OR7E24: variants seen among roughly 807,000 people sequenced by gnomAD.
OR7E24 encodes the protein olfactory receptor family 7 subfamily E member 24, also known as olfactory receptor 7E24.
For synonymous variants in OR7E24, 130 were observed against 157.5 expected (o/e 0.83, Z 1.31); for missense variants, 385 against 410.3 (o/e 0.94, Z 0.53).
chr19:9,243,465 A>T (rs191978947), upstream of OR7E24, among the ~76,000 whole-genome samples: 13 of 151,180 alleles, frequency 8.6e-5, no homozygotes, highest in Admixed American at 7.9e-4. Flanking sequence ...AGTAGCTGGG[A>T]CTACAGGCAT....
chr19:9,229,040 C>T, the OR7E24 span, among the ~76,000 whole-genome samples: 2 of 152,080 alleles, frequency 1.3e-5, no homozygotes, highest in African/African-American at 4.8e-5. Flanking sequence ...CATGTGTATA[C>T]ATTAAATGTC....
the OR7E24 span, among the ~76,000 whole-genome samples, chr19:9,230,980 C>T: frequency 2.0e-5 from 3 of 152,096 alleles, no homozygotes; most frequent in South Asian, 4.1e-4. Context: ...GACATGATCT[C>T]GCCTCACAGC....
chr19:9,214,850 T>G, the OR7E24 span: 1 of 1,556,858 alleles, frequency 6.4e-7, no homozygotes, highest in Non-Finnish European at 8.7e-7. Flanking sequence ...AGCTGTTGTG[T>G]CTGCTGGGGA....
the OR7E24 span, chr19:9,235,725 C>T: frequency 1.2e-6 from 2 of 1,605,366 alleles, no homozygotes; most frequent in Non-Finnish European, 1.7e-6. Flanking sequence ...ATGCTCTCCT[C>T]ATTAACATTG....
At chr19:9,217,759 G>A in the OR7E24 span, among the ~76,000 whole-genome samples, 16 of 152,034 alleles carry the variant, frequency 1.1e-4, no homozygotes, top group Non-Finnish European at 5.9e-5. Flanking sequence ...GGCTGGTCTC[G>A]AACTACTGAC....
the OR7E24 span, among the ~76,000 whole-genome samples, chr19:9,216,033 A>G: frequency 2.8e-4 from 42 of 152,258 alleles, 2 homozygotes; most frequent in African/African-American, 9.6e-4. Context: ...CAAAGAGAGA[A>G]AGCTTGTGCA....
chr19:9,234,601 A>T, the OR7E24 span, among the ~76,000 whole-genome samples: 1 of 152,236 alleles, frequency 6.6e-6, no homozygotes, highest in Non-Finnish European at 1.5e-5. Flanking sequence ...CATAGAAAGG[A>T]TAAATACTGA....
the OR7E24 span, chr19:9,235,205 C>A: frequency 6.7e-7 from 1 of 1,502,998 alleles, no homozygotes; most frequent in Non-Finnish European, 9.2e-7. Flanking sequence ...TCAGATGATC[C>A]TGAACTGCAG....
At chr19:9,221,511 C>T in the OR7E24 span, among the ~76,000 whole-genome samples, 1 of 139,288 alleles carries the variant, frequency 7.2e-6, no homozygotes, top group African/African-American at 3.0e-5. Flanking sequence ...CCACGACGCC[C>T]GGCTACTTTT....
At chr19:9,245,240 G>C (rs560319478), upstream of OR7E24, among the ~76,000 whole-genome samples, 40 of 151,898 alleles carry the variant, frequency 2.6e-4, no homozygotes, top group African/African-American at 9.2e-4. Flanking sequence ...AAATTGGGCA[G>C]AGGACTTGAA....
chr19:9,246,460 A>G (rs2066130332), upstream of OR7E24, among the ~76,000 whole-genome samples: 1 of 121,800 alleles, frequency 8.2e-6, no homozygotes, highest in Non-Finnish European at 1.7e-5. Context: ...TTTACCCTTA[A>G]AGGTATTGTG....
chr19:9,208,163 C>T, the OR7E24 span: 1 of 151,904 alleles, frequency 6.6e-6, no homozygotes, highest in East Asian at 1.9e-4. Context: ...CAGCCTCCCG[C>T]GTAGCTAGGA....
At chr19:9,218,646 G>A in the OR7E24 span, among the ~76,000 whole-genome samples, 1 of 151,730 alleles carries the variant, frequency 6.6e-6, no homozygotes, top group African/African-American at 2.4e-5. Flanking sequence ...TTTTTTTTGG[G>A]GGGGACATGG....
At chr19:9,239,629 G>T in the OR7E24 span, among the ~76,000 whole-genome samples, 1 of 150,272 alleles carries the variant, frequency 6.7e-6, no homozygotes, top group Non-Finnish European at 1.5e-5. Flanking sequence ...CAGATCCTTT[G>T]TCTATTTTCC....
At chr19:9,230,466 T>C in the OR7E24 span, among the ~76,000 whole-genome samples, 3 of 152,196 alleles carry the variant, frequency 2.0e-5, no homozygotes, top group Non-Finnish European at 4.4e-5. Flanking sequence ...CAGTTAGGAA[T>C]GTCCATACTT....
chr19:9,221,381 C>A, the OR7E24 span, among the ~76,000 whole-genome samples: 3 of 95,678 alleles, frequency 3.1e-5, no homozygotes, highest in Non-Finnish European at 5.7e-5. Context: ...GACGGAGTCT[C>A]GCTCTGTCAC....
upstream of OR7E24, among the ~76,000 whole-genome samples, chr19:9,244,490 T>C (rs1444741641): frequency 6.6e-6 from 1 of 152,224 alleles, no homozygotes. Flanking sequence ...AAAAACTTGA[T>C]TTCAAAATGC....
At position 9,252,052 on chromosome 19, in the gene OR7E24, T is replaced by C; in HGVS notation, c.1009T>C (p.Tyr337His). ...IKSHHLHPFC[Y>H]MG is the part of the protein sequence containing the mutation. ...ATCTCATCATCTCCATCCTTTTTGT[T>C]ATATGGGATAGAAATGGCAGCAAAA... The change falls in exon 1 of 1, where the codon TAT (tyrosine) becomes CAT (histidine). Residue 337 changes from tyrosine (Y) to histidine (H), a missense_variant. Transcript: ENST00000456448. 1.9e-6 allele frequency: 3 copies of C among 1,613,014 alleles called. No individual in the cohort carries two copies. Among genetic ancestry groups the C allele is most frequent in the Non-Finnish European group, 2.5e-6 (3 of 1,179,302 alleles).
chr19:9,213,823 G>A, the OR7E24 span: 1 of 1,035,146 alleles, frequency 9.7e-7, no homozygotes, highest in East Asian at 2.4e-5. Flanking sequence ...AAGAGAAAAA[G>A]AGCCGGATAT....
Sources: allele counts gnomAD v4.1 joint callset (sites outside exome capture counted in the v4.1 genomes callset), GRCh38; gene constraint gnomAD v4.1.1; transcripts MANE v1.5; gene names NCBI Gene and HGNC (gene_info 2026-07-23, HGNC 2026-07-21).